ASTN2: variants seen among roughly 807,000 people sequenced by gnomAD.
The protein encoded by ASTN2 is astrotactin 2, also known as astrotactin-2.
ASTN2 carries 54 observed loss-of-function variants against 139.8 expected under a neutral mutation model. The observed-to-expected ratio is 0.39, with a 90% CI of 0.31 to 0.48. The LOEUF (loss-of-function observed/expected upper bound fraction) is 0.48, where lower values mean the gene tolerates loss of function less well. Among genes scored for constraint, ASTN2 ranks in the 20% least tolerant of loss-of-function variants. The pLI is 0.95. For missense variants in ASTN2, 1,565 were observed against 1,725.1 expected (o/e 0.91, Z 1.64); for synonymous variants, 756 against 719.5 (o/e 1.05, Z -0.81).
chr9:116,469,536 T>G (rs978799436), intron 20 of ASTN2, among the ~76,000 whole-genome samples: 1 of 152,186 alleles, frequency 6.6e-6, no homozygotes, highest in Non-Finnish European at 1.5e-5. Flanking sequence ...AGAAAAGACC[T>G]GCTTTCAAAT....
At chr9:116,659,924 C>A (rs747447141) in intron 16 of ASTN2, among the ~76,000 whole-genome samples, 42 of 152,170 alleles carry the variant, frequency 2.8e-4, no homozygotes, top group Admixed American at 1.6e-3. Context: ...CCACACTTCT[C>A]ATCCTAAGCA....
intron 10 of ASTN2, among the ~76,000 whole-genome samples, chr9:116,962,064 A>G (rs1288941951): frequency 6.6e-6 from 1 of 152,252 alleles, no homozygotes; most frequent in Non-Finnish European, 1.5e-5. Flanking sequence ...CAGAGCATTT[A>G]GCACCATAGC....
At chr9:117,389,865 A>G (rs1830497355) in intron 1 of ASTN2, among the ~76,000 whole-genome samples, 1 of 152,094 alleles carries the variant, frequency 6.6e-6, no homozygotes, top group South Asian at 2.1e-4. Flanking sequence ...CAAAAAAAAA[A>G]AAAGAACAGG....
intron 10 of ASTN2, among the ~76,000 whole-genome samples, chr9:116,881,690 C>A (rs1227050074): frequency 6.6e-6 from 1 of 152,182 alleles, no homozygotes; most frequent in African/African-American, 2.4e-5. Flanking sequence ...GTGGAAAGTG[C>A]AATTTCCCAA....
intron 2 of ASTN2, among the ~76,000 whole-genome samples, chr9:117,257,473 G>C (rs1162741656): frequency 6.6e-6 from 1 of 152,224 alleles, no homozygotes; most frequent in East Asian, 1.9e-4. Flanking sequence ...CCTGTGAAGT[G>C]GTGAGCTCCC....
intron 6 of ASTN2, among the ~76,000 whole-genome samples, chr9:117,019,783 G>T (rs1837819705): frequency 6.6e-6 from 1 of 152,066 alleles, no homozygotes; most frequent in South Asian, 2.1e-4. Context: ...CACCAGCCTT[G>T]CCATTTACCA....
At chr9:117,411,614 T>A (rs1312322021) in intron 1 of ASTN2, among the ~76,000 whole-genome samples, 1 of 151,944 alleles carries the variant, frequency 6.6e-6, no homozygotes, top group Non-Finnish European at 1.5e-5. Context: ...CCCACTGGAG[T>A]TTGAATAAAC....
rs141691060 is a variant in ASTN2, at chr9:117,358,559, G to C, written c.442+55938C>G. On this transcript the variant is annotated intron_variant, in intron 1 of 22. Transcript: ENST00000313400. ...GGCAATTGTCTTTACATCACCCTGG[G>C]CACCATTTCTAATCACAGACTTGTC... Among the ~76,000 whole-genome samples the C allele has an allele frequency of 2.4e-3, 365 of 152,122 alleles. 2 individuals carry two copies. Among genetic ancestry groups the C allele is most frequent in the Admixed American group, 0.018 (271 of 15,258 alleles).
At chr9:116,426,592 C>G (rs188276322) in intron 22 of ASTN2, among the ~76,000 whole-genome samples, 135 of 152,264 alleles carry the variant, frequency 8.9e-4, no homozygotes, top group Non-Finnish European at 3.1e-4. Context: ...AGGCAAACAT[C>G]GAGTCAGCCA....
chr9:116,796,968 T>G (rs1830709632), intron 13 of ASTN2, among the ~76,000 whole-genome samples: 1 of 151,322 alleles, frequency 6.6e-6, no homozygotes, highest in Non-Finnish European at 1.5e-5. Flanking sequence ...CACAACACCA[T>G]GTTCAGCTAA....
chr9:116,829,701 AT>A (rs1831747799), intron 11 of ASTN2, among the ~76,000 whole-genome samples: 1 of 152,148 alleles, frequency 6.6e-6, no homozygotes, highest in African/African-American at 2.4e-5. Context: ...TGCCCCCATG[AT>A]ACAATCACCT....
At position 117,008,270 on chromosome 9, in the gene ASTN2, A is replaced by G. The variant is rs958285517; in HGVS notation, c.1424-11T>C. On this transcript the variant is annotated splice_polypyrimidine_tract_variant and intron_variant, in intron 6 of 22. Coordinates refer to ENST00000313400, the MANE Select transcript of ASTN2 (RefSeq NM_001365068.1). ...CCACGAAGCTGCTTCCTATGGGTGAACGGAGAGACAGATACTTTCTTACTG... is the reference window on the plus strand; with the variant it reads ...CCACGAAGCTGCTTCCTATGGGTGAGCGGAGAGACAGATACTTTCTTACTG... The G allele has an allele frequency of 1.9e-6, 3 of 1,582,530 alleles. No homozygotes were observed. In the African/African-American group the frequency reaches 4.0e-5, roughly 21 times the overall value.
chr9:116,820,369 T>G (rs3818501), intron 12 of ASTN2, among the ~76,000 whole-genome samples: 29,914 of 152,230 alleles, frequency 0.2, 3,212 homozygotes, highest in East Asian at 0.47. Context: ...GGATGAGGCC[T>G]GGGCATGGGT....
chr9:117,414,092 G>A lies in ASTN2; in HGVS notation c.442+405C>T, dbSNP rs1007639704. Among the ~76,000 whole-genome samples the A allele has an allele frequency of 6.6e-6, 1 of 152,196 alleles. No individual in the cohort carries two copies. Among genetic ancestry groups the A allele is most frequent in the African/African-American group, 2.4e-5 (1 of 41,458 alleles). ...GAGGCGAGAGCGAGGGGGCGGTGAC[G>A]GCGGGTGGCCAGTGACGGTACCCGG... On this transcript the variant is annotated intron_variant, in intron 1 of 22. Transcript: ENST00000313400. This position sits in a 1 kb window ranked among gnomAD's most constrained non-coding sequence, Gnocchi z 4.2.
At chr9:116,468,620 C>G (rs1043694043) in intron 20 of ASTN2, among the ~76,000 whole-genome samples, 1 of 152,172 alleles carries the variant, frequency 6.6e-6, no homozygotes, top group Admixed American at 6.5e-5. Flanking sequence ...AAATTACTTC[C>G]TATAGTTTTG....
chr9:117,003,953 C>CGCGCGCGTGTGTGTGTGT (rs1218309835), intron 7 of ASTN2, among the ~76,000 whole-genome samples: 1,506 of 146,190 alleles, frequency 0.01, 38 homozygotes, highest in African/African-American at 0.038. Flanking sequence ...CGCGCGCGCG[C>CGCGCGCGTGTGTGTGTGT]GTGTGTGTGT....
At chr9:117,130,172 A>G (rs1347011470) in intron 4 of ASTN2, among the ~76,000 whole-genome samples, 1 of 152,064 alleles carries the variant, frequency 6.6e-6, no homozygotes, top group Non-Finnish European at 1.5e-5. Context: ...AACTGGGCAT[A>G]GTGGCATGCA....
rs1446507025 is a variant in ASTN2, at chr9:116,651,661, T to A, written c.2939A>T (p.Lys980Met). ...GTGACAGGTAGATGGACAGCGCCCC[T>A]TCTCCTCACAGCGAATCTCCACACC... is the stretch of plus-strand genomic sequence containing the variant. ...ISGVEIRCEE[K>M]GRCPSTCHLC... The change falls in exon 17 of 23, where the codon AAG becomes ATG. Residue 980 changes from lysine to methionine, a missense_variant. This residue lies in a region of ASTN2 where 418 missense variants were observed against 465.8 expected (regional missense o/e 0.90). Transcript: ENST00000313400. 1 of 1,614,152 alleles carries A rather than the reference T, an allele frequency of 6.2e-7. No homozygotes were observed. The highest frequency in any genetic ancestry group is 1.3e-5 in the African/African-American group (1 of 75,028).
At chr9:116,509,353 G>C (rs967881697) in intron 19 of ASTN2, among the ~76,000 whole-genome samples, 4 of 152,144 alleles carry the variant, frequency 2.6e-5, no homozygotes, top group African/African-American at 7.2e-5. Context: ...CTTTTTTATG[G>C]CTGCATAATA....
Sources: allele counts gnomAD v4.1 joint callset (sites outside exome capture counted in the v4.1 genomes callset), GRCh38; gene constraint gnomAD v4.1.1; regional missense constraint gnomAD v4.1.1; non-coding constraint Gnocchi (gnomAD v3.1); transcripts MANE v1.5; gene names NCBI Gene and HGNC (gene_info 2026-07-23, HGNC 2026-07-21).